The following INVS variants were observed in gnomAD, a reference collection of about 807,000 sequenced individuals.
The protein encoded by INVS is inversion of embryo turning homolog.
A neutral mutation model predicts 108.8 loss-of-function variants in INVS; 86 were observed. The observed-to-expected ratio is 0.79, with a 90% CI of 0.66 to 0.95. INVS has a LOEUF of 0.95. INVS is among the 40% of genes least tolerant of loss of function. The probability of loss-of-function intolerance (pLI) is 0.00; values close to 1 mark genes in which losing one functional copy is unlikely to be tolerated. For missense variants in INVS, 1,169 were observed against 1,297.4 expected, an observed-to-expected ratio of 0.90 and a Z score of 1.52; for synonymous variants, 455 against 473.5, an observed-to-expected ratio of 0.96 and a Z score of 0.51.
chr9:100,248,751 C>A (rs1250572090), intron 8 of INVS, among the ~76,000 whole-genome samples: 2 of 152,000 alleles, frequency 1.3e-5, no homozygotes, highest in Admixed American at 6.6e-5. Context: ...TCACATTTCC[C>A]CTTTGCCACA....
intron 2 of INVS, among the ~76,000 whole-genome samples, chr9:100,108,072 A>C (rs1355089975): frequency 2.0e-5 from 3 of 152,232 alleles, no homozygotes; most frequent in African/African-American, 7.2e-5. Context: ...ATGAAGAAAA[A>C]GTACCAAGTA....
In INVS at chr9:100,301,871, A is replaced by G. The variant is rs10989049; in HGVS notation, c.*1197A>G. The stretch of plus-strand genomic sequence containing the variant: ...CAAAGAAGGAGGTCTGCCTGGATGG[A>G]ATTACAAAGATTTAGCCAGTTTCTT... On this transcript the variant is annotated 3_prime_UTR_variant, in exon 17 of 17. Coordinates refer to ENST00000262457, the MANE Select transcript of INVS (RefSeq NM_014425.5). Among the ~76,000 whole-genome samples, 91,259 of 151,964 alleles carry G rather than the reference A, an allele frequency of 0.6. 28,778 individuals carry two copies. Among genetic ancestry groups the G allele is most frequent in the East Asian group, 0.89 (4,626 of 5,180 alleles).
At chr9:100,281,401 G>A (rs1286923795) in intron 12 of INVS, among the ~76,000 whole-genome samples, 1 of 152,194 alleles carries the variant, frequency 6.6e-6, no homozygotes. Flanking sequence ...TCAACTCTCA[G>A]AAGCTGAATT....
intron 3 of INVS, among the ~76,000 whole-genome samples, chr9:100,210,379 T>G (rs1018723610): frequency 2.6e-5 from 4 of 152,210 alleles, no homozygotes; most frequent in Non-Finnish European, 5.9e-5. Flanking sequence ...TGAAGCTGTC[T>G]TTATATAGCA....
At chr9:100,179,260 A>G (rs12379848) in intron 3 of INVS, among the ~76,000 whole-genome samples, 29,358 of 152,144 alleles carry the variant, frequency 0.19, 4,519 homozygotes, top group African/African-American at 0.43. Context: ...GTAGCATCAC[A>G]ATGACAGGAT....
intron 3 of INVS, among the ~76,000 whole-genome samples, chr9:100,142,882 A>T (rs1349131637): frequency 2.0e-5 from 3 of 152,172 alleles, no homozygotes; most frequent in Non-Finnish European, 2.9e-5. Context: ...TGACCTTACT[A>T]ACCATGCCTA....
At chr9:100,170,564 CA>C (rs200594637) in intron 3 of INVS, among the ~76,000 whole-genome samples, 7 of 141,314 alleles carry the variant, frequency 5.0e-5, no homozygotes, top group Non-Finnish European at 9.3e-5. Context: ...GATTCTGTCT[CA>C]AAAAAAAAAT....
intron 3 of INVS, among the ~76,000 whole-genome samples, chr9:100,189,538 T>C (rs72733337): frequency 0.013 from 1,938 of 152,264 alleles, 17 homozygotes; most frequent in Non-Finnish European, 0.017. Flanking sequence ...ACTTGTATAA[T>C]TCTGAGAGGT....
intron 6 of INVS, among the ~76,000 whole-genome samples, chr9:100,240,526 C>T (rs1337660345): frequency 6.6e-6 from 1 of 152,006 alleles, no homozygotes; most frequent in African/African-American, 2.4e-5. Context: ...ACATTCAGCG[C>T]CTATATTTTT....
At chr9:100,101,345 A>C (rs1014030765) in intron 1 of INVS, 1 of 151,950 alleles carries the variant, frequency 6.6e-6, no homozygotes, top group African/African-American at 2.4e-5. Flanking sequence ...TGCTGATTAT[A>C]AATACAACTG....
intron 2 of INVS, chr9:100,117,645 C>CA: frequency 1.7e-6 from 1 of 581,604 alleles, no homozygotes; most frequent in East Asian, 2.9e-5. Context: ...CCGGCGTTAT[C>CA]AGCCATTTGG....
chr9:100,272,411 G>C (rs1832985584), intron 11 of INVS, among the ~76,000 whole-genome samples: 2 of 152,182 alleles, frequency 1.3e-5, no homozygotes, highest in South Asian at 4.1e-4. Flanking sequence ...GAAATTTAAA[G>C]GGCCATTCTT....
chr9:100,173,438 A>G (rs929059872), intron 3 of INVS, among the ~76,000 whole-genome samples: 2 of 152,114 alleles, frequency 1.3e-5, no homozygotes, highest in African/African-American at 4.8e-5. Flanking sequence ...GTCAGAAGAG[A>G]TGTTTCAGGC....
rs561810510 is a variant in INVS at position 100,160,943 on chromosome 9, A to G, written c.273+34394A>G. On this transcript the variant is annotated intron_variant, in intron 3 of 16. Coordinates refer to ENST00000262457, the MANE Select transcript of INVS (RefSeq NM_014425.5). Reference sequence around the variant, plus strand: ...ACACTCCAGCCTGGGTGACAGAGTGAGACTCTGTCTCAAAAAAAAAAAAAA... The same window carrying G: ...ACACTCCAGCCTGGGTGACAGAGTGGGACTCTGTCTCAAAAAAAAAAAAAA... Among the ~76,000 whole-genome samples, 458 of 109,196 alleles carry G rather than the reference A, an allele frequency of 4.2e-3. 4 individuals carry two copies. Among genetic ancestry groups the G allele is most frequent in the African/African-American group, 0.016 (415 of 25,352 alleles). 71.6% of individuals were successfully genotyped at this position (109,196 alleles called of 152,430 possible).
At chr9:100,145,572 G>A (rs528328521) in intron 3 of INVS, among the ~76,000 whole-genome samples, 1 of 152,028 alleles carries the variant, frequency 6.6e-6, no homozygotes, top group East Asian at 1.9e-4. Flanking sequence ...GGGGTTGGGG[G>A]GTTCTTGCCC....
At chr9:100,270,048 T>G (rs117130459) in intron 11 of INVS, among the ~76,000 whole-genome samples, 1,647 of 152,298 alleles carry the variant, frequency 0.011, 16 homozygotes, top group African/African-American at 0.016. Context: ...AGATATAAAG[T>G]AAGTTGTTTA....
At chr9:100,114,620 G>A (rs972615071) in intron 2 of INVS, among the ~76,000 whole-genome samples, 3 of 151,902 alleles carry the variant, frequency 2.0e-5, no homozygotes, top group African/African-American at 7.3e-5. Flanking sequence ...GCCCAGGCTG[G>A]TCTCAAACTC....
intron 3 of INVS, among the ~76,000 whole-genome samples, chr9:100,189,765 T>G (rs543580919): frequency 9.5e-4 from 144 of 152,282 alleles, no homozygotes; most frequent in Admixed American, 7.2e-3. Flanking sequence ...TTGTTTGTTT[T>G]TTTTTAATAG....
intron 3 of INVS, among the ~76,000 whole-genome samples, chr9:100,144,896 A>G (rs991969916): frequency 1.3e-5 from 2 of 152,132 alleles, no homozygotes; most frequent in African/African-American, 4.8e-5. Context: ...CATTGGGAAC[A>G]GAGACTAGGG....
Sources: gnomAD v4.1 joint callset for allele counts (sites outside exome capture counted in the v4.1 genomes callset) on GRCh38, gnomAD v4.1.1 for gene constraint, MANE v1.5 for transcripts, NCBI Gene and HGNC (gene_info 2026-07-23, HGNC 2026-07-21) for gene names.